NAALADL2: variants seen among roughly 807,000 people sequenced by gnomAD.
NAALADL2 encodes the protein inactive N-acetylated-alpha-linked acidic dipeptidase-like protein 2.
NAALADL2 carries 76 observed loss-of-function variants against 87.2 expected under a neutral mutation model. The ratio of observed to expected loss-of-function variants is 0.87; its 90% CI spans 0.72 to 1.05. The LOEUF (loss-of-function observed/expected upper bound fraction) is 1.05, where lower values mean the gene tolerates loss of function less well. Among genes scored for constraint, NAALADL2 ranks in the 50% least tolerant of loss-of-function variants. NAALADL2 has a pLI of 0.00. For missense variants in NAALADL2, 1,089 were observed against 945.8 expected (o/e 1.15, Z -1.99); for synonymous variants, 354 against 331.0 (o/e 1.07, Z -0.75).
At chr3:174,858,696 A>G (rs1009924980), upstream of NAALADL2, among the ~76,000 whole-genome samples, 3 of 152,132 alleles carry the variant, frequency 2.0e-5, no homozygotes, top group Admixed American at 2.0e-4. Flanking sequence ...AGGAAAAGGA[A>G]GAGGAAAATT....
chr3:174,678,202 T>C (rs1038699624), intron 2 of NAALADL2, among the ~76,000 whole-genome samples: 2 of 152,150 alleles, frequency 1.3e-5, no homozygotes, highest in Non-Finnish European at 2.9e-5. Context: ...GAGAGCTTGG[T>C]AAAAGTCAGA....
chr3:174,927,226 C>A (rs192796011), intron 1 of NAALADL2, among the ~76,000 whole-genome samples: 37 of 152,254 alleles, frequency 2.4e-4, no homozygotes, highest in Non-Finnish European at 3.7e-4. Context: ...TAGAGACCTA[C>A]AACGAGACTT....
chr3:174,546,650 T>G (rs1722764415), intron 1 of NAALADL2, among the ~76,000 whole-genome samples: 1 of 152,074 alleles, frequency 6.6e-6, no homozygotes, highest in South Asian at 2.1e-4. Context: ...TTTTTTGTTG[T>G]TTGTTTTTAT....
At position 175,780,201 on chromosome 3, in the gene NAALADL2, A is replaced by G. The variant is rs538127900; in HGVS notation, c.2190-22804A>G. On this transcript the variant is annotated intron_variant, in intron 13 of 13. Coordinates refer to ENST00000454872, the MANE Select transcript of NAALADL2 (RefSeq NM_207015.3). Reference sequence around the variant, plus strand: ...TGAGGCAGGAGAATGGCATAAATCCAGGAGGCGGAGCTTGCAGTGAGCCGA... The same window carrying G: ...TGAGGCAGGAGAATGGCATAAATCCGGGAGGCGGAGCTTGCAGTGAGCCGA... 3.5e-3 allele frequency among the ~76,000 whole-genome samples: 527 copies of G among 151,564 alleles called. 9 individuals carry two copies. In the East Asian group the frequency reaches 0.041, roughly 12 times the overall value.
intron 5 of NAALADL2, among the ~76,000 whole-genome samples, chr3:175,379,778 A>T (rs201481302): frequency 2.6e-5 from 4 of 152,112 alleles, no homozygotes; most frequent in African/African-American, 9.7e-5. Flanking sequence ...ATGGCTTATT[A>T]TCAAGGCTGT....
At chr3:175,748,691 C>T (rs1451315255) in intron 12 of NAALADL2, among the ~76,000 whole-genome samples, 2 of 152,026 alleles carry the variant, frequency 1.3e-5, no homozygotes, top group Non-Finnish European at 2.9e-5. Context: ...TTGAATACGC[C>T]TTTAAAAATA....
rs147663081 is a variant in NAALADL2 at position 175,202,949 on chromosome 3, C to G, written c.546-30982C>G. Among the ~76,000 whole-genome samples, 113 of 152,072 alleles carry G rather than the reference C, an allele frequency of 7.4e-4. 1 individual carries two copies. The highest frequency in any genetic ancestry group is 2.5e-3 in the African/African-American group (102 of 41,478). On this transcript the variant is annotated intron_variant, in intron 2 of 13. Coordinates refer to ENST00000454872, the MANE Select transcript of NAALADL2 (RefSeq NM_207015.3). Reference sequence around the variant, plus strand: ...CCAGCTCCCACATAAACCAAAGGACCGGTCTTGCACCCACCTTCCCCCGCC... The same window carrying G: ...CCAGCTCCCACATAAACCAAAGGACGGGTCTTGCACCCACCTTCCCCCGCC...
intron 5 of NAALADL2, among the ~76,000 whole-genome samples, chr3:175,373,782 A>T (rs116608448): frequency 5.9e-5 from 9 of 152,346 alleles, no homozygotes; most frequent in African/African-American, 2.2e-4. Context: ...TCCCACCAGT[A>T]GTATATGAGA....
intron 2 of NAALADL2, among the ~76,000 whole-genome samples, chr3:174,577,022 C>T (rs1206783737): frequency 2.0e-5 from 3 of 151,890 alleles, no homozygotes; most frequent in South Asian, 2.1e-4. Flanking sequence ...AGTAGAAAAA[C>T]ATTTTAGCAG....
intron 5 of NAALADL2, among the ~76,000 whole-genome samples, chr3:175,443,364 ATG>A (rs1441024333): frequency 6.6e-6 from 1 of 152,204 alleles, no homozygotes; most frequent in East Asian, 1.9e-4. Context: ...CTAGAGAAAA[ATG>A]GAATGCAGTT....
At chr3:174,986,093 TTA>T (rs1269613519) in intron 1 of NAALADL2, among the ~76,000 whole-genome samples, 1 of 151,830 alleles carries the variant, frequency 6.6e-6, no homozygotes, top group African/African-American at 2.4e-5. Flanking sequence ...GCAATAAAAA[TTA>T]TATGTTTGAA....
At chr3:175,482,324 T>C (rs1726595967) in intron 9 of NAALADL2, among the ~76,000 whole-genome samples, 1 of 151,902 alleles carries the variant, frequency 6.6e-6, no homozygotes, top group Non-Finnish European at 1.5e-5. Flanking sequence ...ACCAAGTGTA[T>C]CTCAAAAGAT....
chr3:174,855,205 G>A (rs1322187024), upstream of NAALADL2, among the ~76,000 whole-genome samples: 1 of 152,066 alleles, frequency 6.6e-6, no homozygotes, highest in African/African-American at 2.4e-5. Context: ...CACAAAACAT[G>A]TGAGTAATGT....
chr3:174,847,677 C>T (rs1210135603), intron 3 of NAALADL2, among the ~76,000 whole-genome samples: 5 of 151,974 alleles, frequency 3.3e-5, no homozygotes, highest in Non-Finnish European at 7.4e-5. Flanking sequence ...AAAACTGTTA[C>T]TTAGCACCAT....
chr3:174,919,877 A>G (rs1379371719), intron 1 of NAALADL2, among the ~76,000 whole-genome samples: 1 of 152,148 alleles, frequency 6.6e-6, no homozygotes, highest in Non-Finnish European at 1.5e-5. Flanking sequence ...CTTATGTGTT[A>G]GCAGCCATAG....
At chr3:175,060,698 T>C (rs1713258629) in intron 1 of NAALADL2, among the ~76,000 whole-genome samples, 1 of 152,174 alleles carries the variant, frequency 6.6e-6, no homozygotes, top group Non-Finnish European at 1.5e-5. Flanking sequence ...AGGGTATACA[T>C]AGTAGGACAA....
intron 2 of NAALADL2, among the ~76,000 whole-genome samples, chr3:174,666,819 T>C (rs1047544364): frequency 3.3e-5 from 5 of 152,160 alleles, no homozygotes; most frequent in Non-Finnish European, 5.9e-5. Context: ...TCTGGGCCCA[T>C]TGAACAACAA....
At chr3:174,780,137 C>G (rs1055928531) in intron 3 of NAALADL2, among the ~76,000 whole-genome samples, 1 of 152,042 alleles carries the variant, frequency 6.6e-6, no homozygotes, top group African/African-American at 2.4e-5. Flanking sequence ...TGTGTCCTCT[C>G]TTATTTCCTT....
rs147015859 is a variant in NAALADL2 at position 174,625,248 on chromosome 3, A to G, written c.-115+74611A>G. On this transcript the variant is annotated intron_variant, in intron 2 of 3. Transcript: ENST00000434257. ...TAATTTTGGTATTTTAGTAGAGATG[A>G]GGTTTCACCATGTTGGCCAGGCTGG... 7.9e-3 allele frequency among the ~76,000 whole-genome samples: 1,192 copies of G among 151,630 alleles called. 16 individuals carry two copies. The highest frequency in any genetic ancestry group is 0.027 in the African/African-American group (1,126 of 41,362).
Sources: gnomAD v4.1 joint callset for allele counts (sites outside exome capture counted in the v4.1 genomes callset) on GRCh38, gnomAD v4.1.1 for gene constraint, MANE v1.5 for transcripts, NCBI Gene and HGNC (gene_info 2026-07-23, HGNC 2026-07-21) for gene names.